Variants in ANK2 observed in about 807,000 individuals in gnomAD.
The protein encoded by ANK2 is ankyrin 2.
A neutral mutation model predicts 360.5 loss-of-function variants in ANK2; 83 were observed. The ratio of observed to expected loss-of-function variants is 0.23; its 90% CI spans 0.19 to 0.28. ANK2 has a LOEUF of 0.28. Among genes scored for constraint, ANK2 ranks in the 10% least tolerant of loss-of-function variants. The pLI is 1.00. For synonymous variants in ANK2, 1,740 were observed against 1,759.5 expected, an observed-to-expected ratio of 0.99 and a Z score of 0.28; for missense variants, 4,201 against 4,795.7, an observed-to-expected ratio of 0.88 and a Z score of 3.66.
the ANK2 span, among the ~76,000 whole-genome samples, chr4:112,783,796 C>A: frequency 6.6e-6 from 1 of 151,914 alleles, no homozygotes; most frequent in Non-Finnish European, 1.5e-5. Context: ...ACTACAGACA[C>A]CCGCCACCAC....
chr4:112,851,175 C>T (rs2064901320), intron 1 of ANK2, among the ~76,000 whole-genome samples: 1 of 152,132 alleles, frequency 6.6e-6, no homozygotes, highest in East Asian at 1.9e-4. Context: ...AACTGGACTT[C>T]CTAATACTGA....
At chr4:112,753,092 A>G in the ANK2 span, among the ~76,000 whole-genome samples, 3 of 152,156 alleles carry the variant, frequency 2.0e-5, no homozygotes, top group Non-Finnish European at 4.4e-5. Flanking sequence ...TCTCCATCCC[A>G]TATTATTTTC....
chr4:112,788,377 G>A, the ANK2 span: 7 of 1,568,152 alleles, frequency 4.5e-6, no homozygotes, highest in Non-Finnish European at 5.2e-6. Context: ...GGGCAGGCAA[G>A]AAGACAGCCA....
chr4:112,883,507 G>T (rs114478768), intron 1 of ANK2, among the ~76,000 whole-genome samples: 1,695 of 152,226 alleles, frequency 0.011, 19 homozygotes, highest in African/African-American at 0.03. Flanking sequence ...TATGAAAAAT[G>T]GAATGTTTAG....
At chr4:113,072,953 C>CTT (rs77468290) in intron 1 of ANK2, among the ~76,000 whole-genome samples, 1,517 of 59,380 alleles carry the variant, frequency 0.026, 498 homozygotes, top group African/African-American at 0.054. Context: ...AGGACAGTGT[C>CTT]TTTTTTTTTT....
chr4:113,095,821 C>T (rs1024651918), intron 1 of ANK2, among the ~76,000 whole-genome samples: 1 of 152,076 alleles, frequency 6.6e-6, no homozygotes, highest in African/African-American at 2.4e-5. Context: ...AGTTTTTGTC[C>T]ATGCATGTTT....
chr4:112,958,575 G>T (rs1242150285), intron 2 of ANK2, among the ~76,000 whole-genome samples: 1 of 152,152 alleles, frequency 6.6e-6, no homozygotes, highest in African/African-American at 2.4e-5. Context: ...GCATCAGAGG[G>T]AGACCTTGGA....
At chr4:112,713,101 A>G in the ANK2 span, among the ~76,000 whole-genome samples, 1 of 152,208 alleles carries the variant, frequency 6.6e-6, no homozygotes, top group Non-Finnish European at 1.5e-5. Context: ...GATAAATGAA[A>G]TTACCTAGAA....
chr4:113,315,867 A>T (rs2082645481), intron 24 of ANK2, among the ~76,000 whole-genome samples: 2 of 141,344 alleles, frequency 1.4e-5, no homozygotes, highest in African/African-American at 5.5e-5. Flanking sequence ...ACTGCACTCC[A>T]GCCTGGGTGA....
the ANK2 span, among the ~76,000 whole-genome samples, chr4:112,765,646 C>T: frequency 6.8e-6 from 1 of 146,734 alleles, no homozygotes; most frequent in East Asian, 2.0e-4. Context: ...TGGAACAACT[C>T]CCCCCTCCCC....
the ANK2 span, chr4:112,788,505 C>T: frequency 5.1e-5 from 81 of 1,580,164 alleles, no homozygotes; most frequent in Non-Finnish European, 6.8e-5. Context: ...GTGGGGACGT[C>T]CCCTTTGCCA....
At chr4:113,202,179 A>C (rs1317889609) in intron 4 of ANK2, among the ~76,000 whole-genome samples, 1 of 152,172 alleles carries the variant, frequency 6.6e-6, no homozygotes, top group Admixed American at 6.5e-5. Context: ...ATAATGATTA[A>C]AATTAAAATA....
At chr4:113,232,071 T>C (rs1179460060) in intron 4 of ANK2, 90 bp from the exon 5 acceptor site, 10 of 893,804 alleles carry the variant, frequency 1.1e-5, no homozygotes, top group Non-Finnish European at 1.9e-5. Flanking sequence ...GAAAGTATTT[T>C]ACCTATCTTC....
chr4:112,895,693 A>C (rs17045107), intron 1 of ANK2, among the ~76,000 whole-genome samples: 1,609 of 152,264 alleles, frequency 0.011, 16 homozygotes, highest in African/African-American at 0.028. Context: ...AACACTTTTA[A>C]TTCATAAGCA....
At chr4:113,351,288 A>T (rs2154008090) in intron 37 of ANK2, among the ~76,000 whole-genome samples, 1 of 152,292 alleles carries the variant, frequency 6.6e-6, no homozygotes, top group South Asian at 2.1e-4. Context: ...GGCCCTACAC[A>T]ATGATCTGAG....
chr4:113,220,807 C>T (rs1407670000), intron 4 of ANK2, among the ~76,000 whole-genome samples: 1 of 152,166 alleles, frequency 6.6e-6, no homozygotes, highest in Non-Finnish European at 1.5e-5. Context: ...TCTAAGTCAT[C>T]TATAATTGTC....
chr4:113,207,704 A>AG (rs2098969714), intron 4 of ANK2, among the ~76,000 whole-genome samples: 1 of 150,384 alleles, frequency 6.6e-6, no homozygotes, highest in Non-Finnish European at 1.5e-5. Flanking sequence ...AAAAAAAAAA[A>AG]AAGAAGAAGT....
chr4:112,713,939 AAAAAAC>A, the ANK2 span, among the ~76,000 whole-genome samples: 2 of 151,128 alleles, frequency 1.3e-5, no homozygotes, highest in Non-Finnish European at 3.0e-5. Context: ...GTCTCAAAAA[AAAAAAC>A]AAAAAAAAAA....
intron 2 of ANK2, among the ~76,000 whole-genome samples, chr4:112,992,575 G>A (rs1049647970): frequency 4.7e-4 from 72 of 152,328 alleles, no homozygotes; most frequent in African/African-American, 1.7e-3. Flanking sequence ...GAGAGTTTGA[G>A]TTGTGCGTGC....
Sources: gnomAD v4.1 joint callset for allele counts (sites outside exome capture counted in the v4.1 genomes callset) on GRCh38, gnomAD v4.1.1 for gene constraint, MANE v1.5 for transcripts, NCBI Gene and HGNC (gene_info 2026-07-23, HGNC 2026-07-21) for gene names.